The following POLR3B variants were observed in gnomAD, a reference collection of about 807,000 sequenced individuals.
POLR3B encodes DNA-directed RNA polymerase III subunit RPC2.
In POLR3B, 96 loss-of-function variants were observed where a neutral mutation model predicts 147.4. The ratio of observed to expected loss-of-function variants is 0.65; its 90% CI spans 0.55 to 0.77. The LOEUF is 0.77. Ranked by LOEUF, POLR3B falls within the 30% of genes least tolerant of loss-of-function variation. The pLI is 0.00. For synonymous variants in POLR3B, 461 were observed against 485.9 expected (o/e 0.95, Z 0.67); for missense variants, 1,036 against 1,413.5 (o/e 0.73, Z 4.28).
chr12:106,429,616 A>C (rs1262460275), intron 13 of POLR3B, among the ~76,000 whole-genome samples: 2 of 152,134 alleles, frequency 1.3e-5, no homozygotes, highest in African/African-American at 4.8e-5. Context: ...AAGAAGATAA[A>C]GTAAATTTAA....
In POLR3B at chr12:106,369,627, T is replaced by C. The variant is rs901889831; in HGVS notation, c.348T>C (p.Asp116=). 1.2e-6 allele frequency: 2 copies of C among 1,613,498 alleles called. No individual in the cohort carries two copies. The highest frequency in any genetic ancestry group is 1.3e-5 in the African/African-American group (1 of 75,010). ...CATACTCTGCCCCTATTACAGTGGA[T>C]ATTGAATATACCCGAGGCAGCCAGA... ...DMTYSAPITV[D]IEYTRGSQRI... The change falls in exon 6 of 28, where the codon GAT becomes GAC. Residue 116 remains aspartate, a synonymous_variant. Transcript: ENST00000228347.
At chr12:106,502,264 G>A (rs1052072044) in intron 26 of POLR3B, among the ~76,000 whole-genome samples, 1 of 152,114 alleles carries the variant, frequency 6.6e-6, no homozygotes, top group African/African-American at 2.4e-5. Context: ...CAGCGGTGCC[G>A]AGGTTGAGGA....
chr12:106,436,299 G>A (rs138913873), intron 16 of POLR3B, among the ~76,000 whole-genome samples: 36 of 152,276 alleles, frequency 2.4e-4, no homozygotes, highest in Non-Finnish European at 4.6e-4. Context: ...TTTCAGTGCC[G>A]CATGCCATCC....
intron 5 of POLR3B, 78 bp downstream of exon 5, chr12:106,369,428 C>A: frequency 1.0e-6 from 1 of 994,270 alleles, no homozygotes; most frequent in Non-Finnish European, 1.6e-6. Context: ...CTTAAAAGAT[C>A]ATTTAAAAAT....
intron 1 of POLR3B, among the ~76,000 whole-genome samples, chr12:106,360,144 GC>G (rs1357821875): frequency 6.6e-5 from 10 of 152,252 alleles, no homozygotes; most frequent in Admixed American, 5.2e-4. Flanking sequence ...TTCCTAACTG[GC>G]CTACCTGGCA....
chr12:106,412,007 A>C (rs1456791666), intron 12 of POLR3B, among the ~76,000 whole-genome samples: 1 of 152,182 alleles, frequency 6.6e-6, no homozygotes, highest in Non-Finnish European at 1.5e-5. Context: ...CTTGTATTTT[A>C]ATAGCTACTT....
chr12:106,500,646 T>C (rs2038583448), intron 25 of POLR3B, among the ~76,000 whole-genome samples: 1 of 152,174 alleles, frequency 6.6e-6, no homozygotes, highest in African/African-American at 2.4e-5. Flanking sequence ...GACAGAGCCA[T>C]ATGAATACCT....
chr12:106,484,506 C>G (rs2038310921), intron 23 of POLR3B, among the ~76,000 whole-genome samples: 1 of 152,010 alleles, frequency 6.6e-6, no homozygotes, highest in Non-Finnish European at 1.5e-5. Flanking sequence ...ATATAAACCC[C>G]AACTACTTAG....
chr12:106,426,633 A>G (rs1034571095), intron 12 of POLR3B, among the ~76,000 whole-genome samples: 4 of 152,054 alleles, frequency 2.6e-5, no homozygotes, highest in African/African-American at 7.2e-5. Context: ...TGTTTTAACA[A>G]TCCCTCAGAG....
At chr12:106,377,689 A>T (rs2036699543) in intron 7 of POLR3B, among the ~76,000 whole-genome samples, 1 of 152,166 alleles carries the variant, frequency 6.6e-6, no homozygotes, top group Non-Finnish European at 1.5e-5. Flanking sequence ...TTCACTTTTT[A>T]CATATGTCAG....
intron 7 of POLR3B, among the ~76,000 whole-genome samples, chr12:106,377,255 T>G (rs180800457): frequency 6.6e-6 from 1 of 152,252 alleles, no homozygotes; most frequent in Non-Finnish European, 1.5e-5. Context: ...AAAGTTTCTC[T>G]TAGTTCTTTA....
At chr12:106,491,220 T>G (rs1054175205) in intron 23 of POLR3B, among the ~76,000 whole-genome samples, 1 of 152,164 alleles carries the variant, frequency 6.6e-6, no homozygotes, top group Non-Finnish European at 1.5e-5. Context: ...ATGAGATAGG[T>G]GCTAATTATT....
chr12:106,486,287 CAAAAA>C (rs1195017160), intron 23 of POLR3B, among the ~76,000 whole-genome samples: 985 of 28,148 alleles, frequency 0.035, 5 homozygotes, highest in African/African-American at 0.063. Context: ...GACTCCGTCT[CAAAAA>C]AAAAAAAAAA....
rs375447086 is a variant in POLR3B, at chr12:106,390,219, G to GAA, written c.724-2799_724-2798dup. On this transcript the variant is annotated intron_variant, in intron 9 of 27. Coordinates refer to ENST00000228347, the MANE Select transcript of POLR3B (RefSeq NM_018082.6). Reference sequence around the variant, plus strand: ...GGCAACAGAGTAAGACTCTGTCTCTGAAAAAAAAAAAAAAGCAAAACAAAA... The same window carrying GAA: ...GGCAACAGAGTAAGACTCTGTCTCTGAAAAAAAAAAAAAAAAGCAAAACAAAA... Among the ~76,000 whole-genome samples, 720 of 119,458 alleles carry GAA rather than the reference G, an allele frequency of 6.0e-3. 8 individuals carry two copies. The highest frequency in any genetic ancestry group is 0.022 in the African/African-American group (672 of 30,430). 78.4% of individuals were successfully genotyped at this position (119,458 alleles called of 152,430 possible).
At chr12:106,477,888 C>CT (rs2038201991) in intron 23 of POLR3B, among the ~76,000 whole-genome samples, 1 of 94,500 alleles carries the variant, frequency 1.1e-5, no homozygotes, top group African/African-American at 4.6e-5. Context: ...CTTGGCTCCT[C>CT]CCCTTTTTTT....
intron 17 of POLR3B, 72 bp downstream of exon 17, chr12:106,437,203 C>A: frequency 9.3e-7 from 1 of 1,071,378 alleles, no homozygotes; most frequent in South Asian, 1.3e-5. Flanking sequence ...AGTGTATTTT[C>A]ATTTTAGTGT....
At chr12:106,368,450 G>A (rs1593000962) in intron 4 of POLR3B, among the ~76,000 whole-genome samples, 2 of 151,972 alleles carry the variant, frequency 1.3e-5, no homozygotes, top group South Asian at 4.2e-4. Context: ...GTTCGACACT[G>A]CAGGACTCAT....
chr12:106,369,536 TG>T (rs1346652948), intron 5 of POLR3B, 46 bp from the exon 6 acceptor site: 1 of 1,278,530 alleles, frequency 7.8e-7, no homozygotes. Flanking sequence ...GTCAGGACCC[TG>T]TTGCAGAGAG....
At chr12:106,400,390 C>A (rs1204401488) in intron 10 of POLR3B, among the ~76,000 whole-genome samples, 2 of 152,150 alleles carry the variant, frequency 1.3e-5, no homozygotes, top group Non-Finnish European at 2.9e-5. Flanking sequence ...TAATGGGAGA[C>A]TTTAACACCC....
Sources: allele counts gnomAD v4.1 joint callset (sites outside exome capture counted in the v4.1 genomes callset), GRCh38; gene constraint gnomAD v4.1.1; transcripts MANE v1.5; gene names NCBI Gene and HGNC (gene_info 2026-07-23, HGNC 2026-07-21).